TRABD2B: variants seen among roughly 807,000 people sequenced by gnomAD.
TRABD2B encodes metalloprotease TIKI2.
Under a neutral mutation model 40.1 loss-of-function variants are expected in TRABD2B, and 14 were observed. That is an observed-to-expected ratio of 0.35 (90% CI 0.23 to 0.55). The LOEUF is 0.55. TRABD2B is among the 20% of genes least tolerant of loss of function. The probability of loss-of-function intolerance (pLI) is 0.90; values close to 1 mark genes in which losing one functional copy is unlikely to be tolerated. For synonymous variants in TRABD2B, 263 were observed against 277.0 expected (o/e 0.95, Z 0.50); for missense variants, 541 against 648.6 (o/e 0.83, Z 1.80).
chr1:47,853,149 G>A (rs11808707), intron 2 of TRABD2B, among the ~76,000 whole-genome samples: 1 of 152,270 alleles, frequency 6.6e-6, no homozygotes, highest in African/African-American at 2.4e-5. Context: ...TGATGCTAGG[G>A]CCGAGGGCCA....
chr1:47,963,568 G>A (rs1031083858), intron 2 of TRABD2B, among the ~76,000 whole-genome samples: 3 of 152,216 alleles, frequency 2.0e-5, no homozygotes, highest in African/African-American at 7.2e-5. Context: ...GGTAAGTCAT[G>A]AAAAAAGTTA....
intron 2 of TRABD2B, among the ~76,000 whole-genome samples, chr1:47,931,111 A>G: frequency 6.6e-6 from 1 of 152,380 alleles, no homozygotes. Context: ...TTCCTGGCAC[A>G]TAGAAGAGAT....
intron 2 of TRABD2B, among the ~76,000 whole-genome samples, chr1:47,934,803 G>A (rs1459187555): frequency 2.0e-5 from 3 of 152,172 alleles, no homozygotes; most frequent in East Asian, 1.9e-4. Flanking sequence ...GGCATCTGGT[G>A]ACCTGGAATT....
At position 47,996,552 on chromosome 1, in the gene TRABD2B, C is replaced by T. The variant is rs1646094897; in HGVS notation, c.102+136G>A. On this transcript the variant is annotated intron_variant, in intron 1 of 6. Coordinates refer to ENST00000606738, the MANE Select transcript of TRABD2B (RefSeq NM_001194986.2). The surrounding 1 kb of genome is among the most constrained non-coding windows in gnomAD (Gnocchi z 4.6). ...GGGACAGGCAGGAGCGAAGGAAGGGCGCCCGAGGCTGCGCCCGGGGGGTGG... is the reference window on the plus strand; with the variant it reads ...GGGACAGGCAGGAGCGAAGGAAGGGTGCCCGAGGCTGCGCCCGGGGGGTGG... 9.6e-7 allele frequency: 1 copy of T among 1,039,314 alleles called. No individual in the cohort carries two copies. The highest frequency in any genetic ancestry group is 1.2e-6 in the Non-Finnish European group (1 of 826,682). The allele number at this position is 1,039,314 out of a possible 1,614,324, so 64.4% of individuals were successfully genotyped here.
At chr1:47,922,878 CT>C (rs1424103499) in intron 2 of TRABD2B, among the ~76,000 whole-genome samples, 1 of 152,234 alleles carries the variant, frequency 6.6e-6, no homozygotes, top group Non-Finnish European at 1.5e-5. Context: ...TGGGACTCCC[CT>C]GTTTAAAACC....
intron 2 of TRABD2B, among the ~76,000 whole-genome samples, chr1:47,868,598 G>T (rs1644093656): frequency 6.6e-6 from 1 of 152,142 alleles, no homozygotes; most frequent in African/African-American, 2.4e-5. Flanking sequence ...CACATGTGAG[G>T]GATCTAGGCT....
At chr1:47,864,364 G>C (rs772460951) in intron 2 of TRABD2B, among the ~76,000 whole-genome samples, 13 of 152,088 alleles carry the variant, frequency 8.5e-5, no homozygotes, top group Non-Finnish European at 1.8e-4. Flanking sequence ...AACCACCCTG[G>C]TGGGAGATTT....
intron 4 of TRABD2B, among the ~76,000 whole-genome samples, chr1:47,794,054 C>A (rs1032265178): frequency 1.3e-5 from 2 of 152,220 alleles, no homozygotes; most frequent in Non-Finnish European, 2.9e-5. Context: ...ATCTTTACAA[C>A]TATTCTACAA....
intron 2 of TRABD2B, among the ~76,000 whole-genome samples, chr1:47,941,676 G>A (rs1645190938): frequency 6.6e-6 from 1 of 152,238 alleles, no homozygotes. Context: ...GGAGAGGTGT[G>A]AGAAGGTACT....
intron 2 of TRABD2B, among the ~76,000 whole-genome samples, chr1:47,920,493 G>C (rs1644887765): frequency 6.6e-6 from 1 of 152,216 alleles, no homozygotes. Context: ...TTTTCCCCTG[G>C]GGGCAGCCCC....
At chr1:47,980,310 G>A (rs1280461582) in intron 2 of TRABD2B, among the ~76,000 whole-genome samples, 2 of 152,120 alleles carry the variant, frequency 1.3e-5, no homozygotes, top group East Asian at 3.9e-4. Flanking sequence ...AGCCAAACCA[G>A]GTACTCACAA....
intron 2 of TRABD2B, among the ~76,000 whole-genome samples, chr1:47,867,244 A>G (rs953949618): frequency 1.3e-5 from 2 of 152,154 alleles, no homozygotes; most frequent in Non-Finnish European, 2.9e-5. Flanking sequence ...TTCCATATCT[A>G]TATCTTTTTC....
At chr1:47,840,805 A>G (rs958360973) in intron 2 of TRABD2B, among the ~76,000 whole-genome samples, 1 of 152,178 alleles carries the variant, frequency 6.6e-6, no homozygotes, top group Non-Finnish European at 1.5e-5. Flanking sequence ...AAGGATTAAG[A>G]AAAAGAGAAA....
At chr1:47,801,734 G>A (rs1644826608) in intron 2 of TRABD2B, 115 bp from the exon 3 acceptor site, 2 of 1,296,420 alleles carry the variant, frequency 1.5e-6, no homozygotes, top group Admixed American at 2.6e-5. Context: ...CAGAGAAGGT[G>A]TGTGGGGCTG....
At chr1:47,872,717 T>C (rs904704578) in intron 2 of TRABD2B, among the ~76,000 whole-genome samples, 1 of 152,096 alleles carries the variant, frequency 6.6e-6, no homozygotes, top group Non-Finnish European at 1.5e-5. Flanking sequence ...TTACCTTATC[T>C]TGGGGAGAAT....
intron 2 of TRABD2B, among the ~76,000 whole-genome samples, chr1:47,979,839 A>G (rs914619987): frequency 3.6e-4 from 55 of 152,254 alleles, no homozygotes; most frequent in African/African-American, 1.3e-3. Flanking sequence ...CCTTGTTTCT[A>G]AAGGAAACCC....
intron 2 of TRABD2B, among the ~76,000 whole-genome samples, chr1:47,845,638 C>T (rs1645458482): frequency 6.6e-6 from 1 of 152,188 alleles, no homozygotes; most frequent in South Asian, 2.1e-4. Context: ...TAAACTATCT[C>T]TCCTCAGGCA....
At chr1:47,965,566 C>T (rs371291083) in intron 2 of TRABD2B, among the ~76,000 whole-genome samples, 2 of 152,136 alleles carry the variant, frequency 1.3e-5, no homozygotes, top group African/African-American at 4.8e-5. Flanking sequence ...CCAGCCCTCC[C>T]CCAGCCCCAA....
intron 2 of TRABD2B, among the ~76,000 whole-genome samples, chr1:47,944,063 G>A (rs1184879015): frequency 1.3e-5 from 2 of 152,210 alleles, no homozygotes; most frequent in African/African-American, 2.4e-5. Flanking sequence ...CATCAAGGGA[G>A]GCTTCCCAGA....
Sources: gnomAD v4.1 joint callset for allele counts (sites outside exome capture counted in the v4.1 genomes callset) on GRCh38, gnomAD v4.1.1 for gene constraint, Gnocchi (gnomAD v3.1) non-coding constraint, MANE v1.5 for transcripts, NCBI Gene and HGNC (gene_info 2026-07-23, HGNC 2026-07-21) for gene names.